The following GRIN2B variants were observed in gnomAD, a reference collection of about 807,000 sequenced individuals.
The protein encoded by GRIN2B is glutamate receptor ionotropic, NMDA 2B.
In GRIN2B, 5 loss-of-function variants were observed where a neutral mutation model predicts 114.5. The ratio of observed to expected loss-of-function variants is 0.04; its 90% CI spans 0.02 to 0.09. The LOEUF (loss-of-function observed/expected upper bound fraction) is 0.09. GRIN2B is among the 10% of genes least tolerant of loss of function. The pLI, the probability that GRIN2B is intolerant of heterozygous loss-of-function variation, is 1.00. For missense variants in GRIN2B, 1,108 were observed against 1,943.5 expected, an observed-to-expected ratio of 0.57 and a Z score of 8.08; for synonymous variants, 787 against 745.1, an observed-to-expected ratio of 1.06 and a Z score of -0.92.
At chr12:13,668,954 A>G (rs1950000069) in intron 5 of GRIN2B, among the ~76,000 whole-genome samples, 1 of 116,646 alleles carries the variant, frequency 8.6e-6, no homozygotes, top group African/African-American at 3.2e-5. Context: ...AAAGGAAGAG[A>G]GGGGCGGTTG....
chr12:13,662,757 A>AGGT (rs1949936922), intron 5 of GRIN2B, among the ~76,000 whole-genome samples: 1 of 152,184 alleles, frequency 6.6e-6, no homozygotes, highest in African/African-American at 2.4e-5. Context: ...TGAAGATATC[A>AGGT]GGTAATTAAG....
At chr12:13,675,144 A>G (rs1283202121) in intron 5 of GRIN2B, among the ~76,000 whole-genome samples, 1 of 152,124 alleles carries the variant, frequency 6.6e-6, no homozygotes, top group African/African-American at 2.4e-5. Flanking sequence ...TACTATTATT[A>G]TTATTTTCCT....
intron 3 of GRIN2B, among the ~76,000 whole-genome samples, chr12:13,814,424 T>G (rs1251435782): frequency 6.6e-6 from 1 of 152,214 alleles, no homozygotes; most frequent in Non-Finnish European, 1.5e-5. Flanking sequence ...TTATATGTTT[T>G]AGGACTTATG....
chr12:13,648,320 C>T (rs981201443), intron 5 of GRIN2B, among the ~76,000 whole-genome samples: 2 of 152,074 alleles, frequency 1.3e-5, no homozygotes, highest in Admixed American at 6.6e-5. Context: ...ATAGCTCTCA[C>T]CCTCCTAGAG....
At chr12:13,876,801 G>A (rs1418692163) in intron 2 of GRIN2B, among the ~76,000 whole-genome samples, 2 of 152,172 alleles carry the variant, frequency 1.3e-5, no homozygotes, top group African/African-American at 4.8e-5. Flanking sequence ...AATGAAATGA[G>A]GCAGGGACTA....
intron 4 of GRIN2B, among the ~76,000 whole-genome samples, chr12:13,690,872 T>C (rs1822799135): frequency 1.3e-5 from 2 of 152,216 alleles, no homozygotes; most frequent in Admixed American, 1.3e-4. Flanking sequence ...AAAATTAATA[T>C]GTGAATATTC....
rs1948572064 is a variant in GRIN2B at position 13,563,139 on chromosome 12, GGTT to G, written c.4096_4098del (p.Asn1366del). 1.9e-6 allele frequency: 3 copies of G among 1,614,088 alleles called. No homozygotes were observed. The highest frequency in any genetic ancestry group is 1.7e-5 in the Admixed American group (1 of 60,012). Reference sequence around the variant, plus strand: ...TTGCTGAGCATGTACCCGCCGCCGGGGTTGTTGTGGTGGTGATGTCCGGCAGTG... The same window carrying G: ...TTGCTGAGCATGTACCCGCCGCCGGGGTTGTGGTGGTGATGTCCGGCAGTG... On this transcript the variant is annotated inframe_deletion, in exon 14 of 14. Transcript: ENST00000609686.
rs1948726339 is a variant in GRIN2B, at chr12:13,573,020, C to A, written c.2011-1056G>T. ...GATTGAAACAGATACGGATTGAAGA[C>A]CAGCTCCGCCACTTACCACTGTGTA... On this transcript the variant is annotated intron_variant, in intron 10 of 13. Transcript: ENST00000609686. 2.4e-5 allele frequency among the ~76,000 whole-genome samples: 3 copies of A among 125,508 alleles called. 1 individual carries two copies. Among genetic ancestry groups the A allele is most frequent in the Admixed American group, 2.2e-4 (3 of 13,558 alleles). 82.3% of individuals were successfully genotyped at this position (125,508 alleles called of 152,430 possible). A position where few individuals can be genotyped will look rare whatever the true frequency, so the allele number is the denominator to read the frequency against.
chr12:13,948,366 G>A (rs1308425168), intron 2 of GRIN2B, among the ~76,000 whole-genome samples: 1 of 152,160 alleles, frequency 6.6e-6, no homozygotes, highest in African/African-American at 2.4e-5. Context: ...GCCCTCTGGG[G>A]GGACTAAAGA....
At chr12:13,686,533 A>G (rs1475934298) in intron 4 of GRIN2B, among the ~76,000 whole-genome samples, 2 of 152,072 alleles carry the variant, frequency 1.3e-5, no homozygotes, top group African/African-American at 4.8e-5. Flanking sequence ...ATGCTTCTGA[A>G]ATTACTGTGC....
chr12:13,687,494 A>G (rs1950182564), intron 4 of GRIN2B, among the ~76,000 whole-genome samples: 1 of 152,120 alleles, frequency 6.6e-6, no homozygotes, highest in African/African-American at 2.4e-5. Context: ...AACATCAACA[A>G]TCATGCCAAG....
intron 3 of GRIN2B, among the ~76,000 whole-genome samples, chr12:13,780,496 C>T (rs942154539): frequency 6.6e-6 from 1 of 152,114 alleles, no homozygotes; most frequent in South Asian, 2.1e-4. Context: ...ATAGCAGATG[C>T]ACTATGTTTC....
chr12:13,593,796 A>C, intron 10 of GRIN2B, among the ~76,000 whole-genome samples: 1 of 152,252 alleles, frequency 6.6e-6, no homozygotes, highest in Non-Finnish European at 1.5e-5. Context: ...CAAAGGCCTA[A>C]TATCCAGAAT....
chr12:13,978,830 G>A (rs772649867), intron 2 of GRIN2B, among the ~76,000 whole-genome samples: 14 of 152,182 alleles, frequency 9.2e-5, no homozygotes, highest in Non-Finnish European at 1.6e-4. Context: ...TGGATTGCAT[G>A]AGTGACTAGC....
At chr12:13,826,589 T>G (rs1183442833) in intron 3 of GRIN2B, among the ~76,000 whole-genome samples, 2 of 152,226 alleles carry the variant, frequency 1.3e-5, no homozygotes, top group African/African-American at 4.8e-5. Flanking sequence ...ATTTTTCTCT[T>G]TATTGCTAAT....
chr12:13,910,650 A>G (rs118085315), intron 2 of GRIN2B, among the ~76,000 whole-genome samples: 2,110 of 152,188 alleles, frequency 0.014, 25 homozygotes, highest in Middle Eastern at 0.034. Flanking sequence ...GCCGCACACC[A>G]TTTCCCAAGG....
At chr12:13,973,422 C>T (rs1238330716) in intron 2 of GRIN2B, among the ~76,000 whole-genome samples, 1 of 152,186 alleles carries the variant, frequency 6.6e-6, no homozygotes, top group Non-Finnish European at 1.5e-5. Flanking sequence ...TTCATTGAAA[C>T]TTTAATTGTC....
Position 13,897,864 on chromosome 12 carries a change from C to A in GRIN2B, c.-18-31638G>T, listed in dbSNP as rs969435920. 1.2e-4 allele frequency among the ~76,000 whole-genome samples: 18 copies of A among 152,024 alleles called. 1 individual carries two copies. In the South Asian group the frequency reaches 3.7e-3, roughly 32 times the overall value. ...TAATAATTGAATGACTCAATGATTT[C>A]ATTCTACTAGAAAATTTTATATCCT... On this transcript the variant is annotated intron_variant, in intron 2 of 13. Transcript: ENST00000609686.
chr12:13,791,958 C>T (rs1429093354), intron 3 of GRIN2B, among the ~76,000 whole-genome samples: 6 of 152,216 alleles, frequency 3.9e-5, no homozygotes, highest in African/African-American at 1.2e-4. Context: ...TTTGTACTCC[C>T]TCTCCCCTAC....
Sources: gnomAD v4.1 joint callset for allele counts (sites outside exome capture counted in the v4.1 genomes callset) on GRCh38, gnomAD v4.1.1 for gene constraint, MANE v1.5 for transcripts, NCBI Gene and HGNC (gene_info 2026-07-23, HGNC 2026-07-21) for gene names.